The following RAB12 variants were observed in gnomAD, a reference collection of about 807,000 sequenced individuals.
RAB12 encodes the protein ras-related protein Rab-12.
RAB12 carries 11 observed loss-of-function variants against 28.4 expected under a neutral mutation model. The observed-to-expected ratio is 0.39, with a 90% CI of 0.24 to 0.64. The LOEUF is 0.64. RAB12 is among the 30% of genes least tolerant of loss of function. The pLI, the probability that RAB12 is intolerant of heterozygous loss-of-function variation, is 0.50. For synonymous variants in RAB12, 138 were observed against 145.3 expected, an observed-to-expected ratio of 0.95 and a Z score of 0.36; for missense variants, 276 against 351.1, an observed-to-expected ratio of 0.79 and a Z score of 1.71.
intron 1 of RAB12, among the ~76,000 whole-genome samples, chr18:8,623,453 C>G (rs929228031): frequency 6.6e-6 from 1 of 152,210 alleles, no homozygotes; most frequent in Non-Finnish European, 1.5e-5. Flanking sequence ...GCAGTGAAAT[C>G]CTAACTCTAC....
intron 1 of RAB12, among the ~76,000 whole-genome samples, chr18:8,623,083 A>G (rs2096010801): frequency 6.6e-6 from 1 of 152,184 alleles, no homozygotes; most frequent in African/African-American, 2.4e-5. Flanking sequence ...AGTTAACACA[A>G]TTATCACATG....
At chr18:8,635,759 T>C (rs2096018550) in intron 4 of RAB12, 137 bp downstream of exon 4, 2 of 575,808 alleles carry the variant, frequency 3.5e-6, no homozygotes, top group Non-Finnish European at 5.8e-6. Flanking sequence ...TCCTCCTAAT[T>C]TGTTTGCACT....
At chr18:8,624,842 TC>T (rs1304633866) in intron 1 of RAB12, 95 bp from the exon 2 acceptor site, 2 of 844,982 alleles carry the variant, frequency 2.4e-6, no homozygotes, top group Non-Finnish European at 3.8e-6. Flanking sequence ...TTTCTTTTTT[TC>T]TGATAATGAT....
intron 5 of RAB12, 106 bp from the exon 6 acceptor site, chr18:8,638,043 G>A: frequency 1.5e-6 from 1 of 662,166 alleles, no homozygotes; most frequent in Non-Finnish European, 2.6e-6. Context: ...TTGAAAAGCA[G>A]CTGTGTATAA....
chr18:8,628,100 T>C (rs1297235873), intron 2 of RAB12, among the ~76,000 whole-genome samples: 1 of 152,164 alleles, frequency 6.6e-6, no homozygotes, highest in East Asian at 1.9e-4. Flanking sequence ...TGCAAACCTC[T>C]AGAAATCCGC....
Position 8,639,144 on chromosome 18 carries a change from GTTCTTTTTTTTT to G in RAB12, c.*885_*896del, listed in dbSNP as rs2096020786. On this transcript the variant is annotated 3_prime_UTR_variant, in exon 6 of 6. Transcript: ENST00000649141. ...CTTATTCTGATTAAGCCTAGACTGT[GTTCTTTTTTTTT>G]TTTTTTTTTTTTTTTTTTTTTTTTT... 1.8e-4 allele frequency: 3 copies of G among 16,580 alleles called. No individual in the cohort carries two copies. The highest frequency in any genetic ancestry group is 1.8e-4 in the African/African-American group (1 of 5,464). The allele number at this position is 16,580 out of a possible 1,614,324, so 1.0% of individuals were successfully genotyped here.
chr18:8,623,328 C>T (rs1001058285), intron 1 of RAB12, among the ~76,000 whole-genome samples: 5 of 152,324 alleles, frequency 3.3e-5, no homozygotes, highest in Non-Finnish European at 5.9e-5. Flanking sequence ...CGTTCTTCTG[C>T]CATGGCTTCA....
chr18:8,620,159 T>TTA (rs2096009052), intron 1 of RAB12, among the ~76,000 whole-genome samples: 1 of 80,536 alleles, frequency 1.2e-5, no homozygotes, highest in Non-Finnish European at 2.5e-5. Flanking sequence ...TTTTTTTTTT[T>TTA]TGCTTCAAAA....
intron 1 of RAB12, among the ~76,000 whole-genome samples, 184 bp from the exon 2 acceptor site, chr18:8,624,754 G>A (rs539253543): frequency 6.4e-4 from 97 of 152,332 alleles, no homozygotes; most frequent in South Asian, 2.1e-3. Context: ...GGACTGAAGC[G>A]TGAGAGATGG....
Position 8,633,267 on chromosome 18 carries a change from T to C in RAB12, c.654T>C (p.Tyr218=). ...GTGCCAAGGGGATCATATTAGTATA[T>C]GATATCACTAAGAAGGAGACATTTG... The part of the protein sequence containing the change: ...YRSAKGIILV[Y]DITKKETFDD... Residue 218 remains tyrosine (Y), a synonymous_variant, in exon 3 of 6, where the codon TAT becomes TAC. Coordinates refer to ENST00000649141, the MANE Select transcript of RAB12 (RefSeq NM_001025300.3). The C allele has an allele frequency of 6.2e-7, 1 of 1,613,992 alleles. No homozygotes were observed. Among genetic ancestry groups the C allele is most frequent in the Non-Finnish European group, 8.5e-7 (1 of 1,179,894 alleles).
In RAB12 at chr18:8,611,919, G is replaced by T. The variant is rs114258489; in HGVS notation, c.514+1966G>T. Among the ~76,000 whole-genome samples the T allele has an allele frequency of 7.9e-3, 1,210 of 152,328 alleles. 13 individuals carry two copies. Among genetic ancestry groups the T allele is most frequent in the African/African-American group, 0.026 (1,086 of 41,574 alleles). On this transcript the variant is annotated intron_variant, in intron 1 of 5. Transcript: ENST00000649141. ...TGGAGTACTTTAGTACTCAGTGCGT[G>T]CTTCTAACTGTGGGATGTTCAGAGA...
intron 1 of RAB12, among the ~76,000 whole-genome samples, chr18:8,617,343 CAT>C (rs2096007256): frequency 1.3e-5 from 2 of 151,988 alleles, no homozygotes; most frequent in African/African-American, 4.8e-5. Context: ...CTGGGTAAAA[CAT>C]AATCTGTTTG....
rs771566567 is a variant in RAB12, at chr18:8,622,829, C to T, written c.515-2109C>T. Among the ~76,000 whole-genome samples the T allele has an allele frequency of 3.9e-5, 6 of 152,174 alleles. No individual in the cohort carries two copies. The East Asian group carries it at 7.7e-4, about 20-fold the overall frequency. ...CCACGCCCAGGGCCCCCCGCCACCC[C>T]GTAGACCTACCCCCAGGCGAGTATT... On this transcript the variant is annotated intron_variant, in intron 1 of 5. Transcript: ENST00000649141.
chr18:8,617,774 A>G (rs1157569537), intron 1 of RAB12, among the ~76,000 whole-genome samples: 2 of 152,172 alleles, frequency 1.3e-5, no homozygotes, highest in African/African-American at 4.8e-5. Flanking sequence ...CAGGCAACCC[A>G]GGTTCAAATC....
chr18:8,638,005 G>A, intron 5 of RAB12, 144 bp from the exon 6 acceptor site: 1 of 592,002 alleles, frequency 1.7e-6, no homozygotes, highest in Non-Finnish European at 3.0e-6. Context: ...GGTGAGTGGG[G>A]AGGCAGGAGA....
chr18:8,635,149 T>C (rs2096018152), intron 3 of RAB12: 1 of 157,860 alleles, frequency 6.3e-6, no homozygotes, highest in African/African-American at 2.4e-5. Context: ...AGCGTGTGTT[T>C]TTTTAAATGC....
chr18:8,633,895 T>A (rs1271794580), intron 3 of RAB12, among the ~76,000 whole-genome samples: 1 of 152,168 alleles, frequency 6.6e-6, no homozygotes, highest in African/African-American at 2.4e-5. Flanking sequence ...CTAAGAAACA[T>A]GTTCCCAAAT....
intron 2 of RAB12, among the ~76,000 whole-genome samples, chr18:8,630,588 C>T (rs1253286692): frequency 2.0e-5 from 3 of 152,074 alleles, no homozygotes; most frequent in Non-Finnish European, 2.9e-5. Context: ...GTGCCCTGGC[C>T]GAAGGGGAGG....
intron 1 of RAB12, among the ~76,000 whole-genome samples, chr18:8,614,845 A>T (rs2096005882): frequency 6.6e-6 from 1 of 152,138 alleles, no homozygotes; most frequent in African/African-American, 2.4e-5. Context: ...CAGCCTCCCA[A>T]AGAGCTAGGA....
Sources: allele counts gnomAD v4.1 joint callset (sites outside exome capture counted in the v4.1 genomes callset), GRCh38; gene constraint gnomAD v4.1.1; transcripts MANE v1.5; gene names NCBI Gene and HGNC (gene_info 2026-07-23, HGNC 2026-07-21).